ZFPM1: variants seen among roughly 807,000 people sequenced by gnomAD.
ZFPM1 encodes the protein zinc finger protein, FOG family member 1, also known as zinc finger protein ZFPM1.
In ZFPM1, 28 loss-of-function variants were observed where a neutral mutation model predicts 46.3. The ratio of observed to expected loss-of-function variants is 0.60; its 90% CI spans 0.45 to 0.83. ZFPM1 has a LOEUF of 0.83. Ranked by LOEUF, ZFPM1 falls within the 40% of genes least tolerant of loss-of-function variation. ZFPM1 has a pLI of 0.00. For synonymous variants in ZFPM1, 957 were observed against 675.9 expected, an observed-to-expected ratio of 1.42 and a Z score of -6.45; for missense variants, 1,878 against 1,432.4, an observed-to-expected ratio of 1.31 and a Z score of -5.02.
chr16:88,502,702 C>G (rs1175845656), intron 3 of ZFPM1, among the ~76,000 whole-genome samples: 2 of 152,270 alleles, frequency 1.3e-5, no homozygotes, highest in South Asian at 4.1e-4. Context: ...TCCCTTGACT[C>G]AGCAGTTGGC....
Position 88,534,665 on chromosome 16 carries a change from G to C in ZFPM1, c.2707G>C (p.Ala903Pro). The C allele has an allele frequency of 6.0e-6, 6 of 999,032 alleles. No homozygotes were observed. Among genetic ancestry groups the C allele is most frequent in the Non-Finnish European group, 4.8e-6 (4 of 841,484 alleles). 61.9% of individuals were successfully genotyped at this position (999,032 alleles called of 1,614,324 possible). A position where few individuals can be genotyped will look rare whatever the true frequency, so the allele number is the denominator to read the frequency against. ...RTPADRGPSPAPAPAASPQPG... is the reference protein window; with the variant it reads ...RTPADRGPSPPPAPAASPQPG... ...GCCGGCCGACCGCGGCCCCTCGCCC[G>C]CTCCCGCCCCCGCCGCCTCCCCGCA... Residue 903 changes from alanine to proline, a missense_variant, in exon 10 of 10, where the codon GCT (alanine) becomes CCT (proline). Physicochemically the swap from Ala to Pro is conservative, Grantham distance 27. Coordinates refer to ENST00000319555, the MANE Select transcript of ZFPM1 (RefSeq NM_153813.3).
chr16:88,527,534 C>T (rs1040437059), intron 5 of ZFPM1, among the ~76,000 whole-genome samples: 15 of 152,172 alleles, frequency 9.9e-5, no homozygotes, highest in African/African-American at 3.6e-4. Context: ...CGGGCCGGCT[C>T]AGGCCTGAGG....
At chr16:88,524,530 A>G (rs1912162843) in intron 4 of ZFPM1, among the ~76,000 whole-genome samples, 1 of 152,074 alleles carries the variant, frequency 6.6e-6, no homozygotes, top group Non-Finnish European at 1.5e-5. Context: ...CACAGTGGAC[A>G]CTCAGCATGT....
intron 1 of ZFPM1, among the ~76,000 whole-genome samples, chr16:88,468,233 C>A (rs1597231435): frequency 6.7e-6 from 1 of 149,960 alleles, no homozygotes; most frequent in African/African-American, 2.5e-5. Context: ...CCCTCAAGCA[C>A]CCGCGAGCCC....
chr16:88,456,396 A>G (rs116415675), intron 1 of ZFPM1, among the ~76,000 whole-genome samples: 1,722 of 145,644 alleles, frequency 0.012, 27 homozygotes, highest in African/African-American at 0.042. Context: ...AGTTTTCTTG[A>G]AAAAAAAAAA....
At chr16:88,525,475 G>C (rs1486412749) in intron 4 of ZFPM1, among the ~76,000 whole-genome samples, 1 of 152,188 alleles carries the variant, frequency 6.6e-6, no homozygotes, top group African/African-American at 2.4e-5. Flanking sequence ...TCATGGTGCA[G>C]GAAGTTTCTG....
chr16:88,517,178 GTAGATGGA>G (rs1436883724), intron 4 of ZFPM1, among the ~76,000 whole-genome samples: 19 of 126,318 alleles, frequency 1.5e-4, no homozygotes, highest in Middle Eastern at 4.3e-3. Context: ...GGATGGATGG[GTAGATGGA>G]TGGATGGATG....
intron 6 of ZFPM1, among the ~76,000 whole-genome samples, chr16:88,528,508 C>G (rs1340132373): frequency 2.0e-5 from 3 of 152,222 alleles, no homozygotes; most frequent in Non-Finnish European, 4.4e-5. Context: ...CCCCGCACAC[C>G]ACACTAGAAG....
Position 88,490,326 on chromosome 16 carries a change from A to G in ZFPM1, c.268+1173A>G, listed in dbSNP as rs548277669. On this transcript the variant is annotated intron_variant, in intron 3 of 9. Transcript: ENST00000319555. The stretch of plus-strand genomic sequence containing the variant: ...CTCGGCCTCCCAAAGTGCTGGGATT[A>G]CAGGCGTGAGCCACCACGCCCGGCA... 2.8e-3 allele frequency among the ~76,000 whole-genome samples: 421 copies of G among 152,338 alleles called. 10 individuals are homozygous for G. The highest frequency in any genetic ancestry group is 0.014 in the Middle Eastern group (4 of 294).
At chr16:88,519,151 T>TGGATG (rs1410726613) in intron 4 of ZFPM1, among the ~76,000 whole-genome samples, 1 of 97,334 alleles carries the variant, frequency 1.0e-5, no homozygotes, top group Non-Finnish European at 2.0e-5. Flanking sequence ...GATGGATGGA[T>TGGATG]GATGGGTGGA....
At position 88,532,071 on chromosome 16, in the gene ZFPM1, TCTA is replaced by T; in HGVS notation, c.788_790del (p.Tyr263del). The T allele has an allele frequency of 6.2e-7, 1 of 1,612,426 alleles. No individual in the cohort carries two copies. The highest frequency in any genetic ancestry group is 8.5e-7 in the Non-Finnish European group (1 of 1,179,756). ...GAGCGCAACCTGCAGGCGCACCTGC[TCTA>T]CTACTGCGCCAGCCGCCAGGGCACC... is the stretch of plus-strand genomic sequence containing the variant. On this transcript the variant is annotated inframe_deletion, in exon 7 of 10. Coordinates refer to ENST00000319555, the MANE Select transcript of ZFPM1 (RefSeq NM_153813.3).
chr16:88,472,686 A>G (rs970871157), intron 1 of ZFPM1, among the ~76,000 whole-genome samples: 1 of 152,172 alleles, frequency 6.6e-6, no homozygotes, highest in Non-Finnish European at 1.5e-5. Context: ...TAAAGTGTAC[A>G]TCACATTTAC....
intron 1 of ZFPM1, among the ~76,000 whole-genome samples, chr16:88,479,464 C>T (rs1006570141): frequency 2.0e-5 from 3 of 152,056 alleles, no homozygotes; most frequent in African/African-American, 4.8e-5. Flanking sequence ...TGGCTCACCA[C>T]GGCCCCCAGA....
intron 1 of ZFPM1, among the ~76,000 whole-genome samples, chr16:88,462,306 T>C (rs926983549): frequency 6.6e-6 from 1 of 152,244 alleles, no homozygotes; most frequent in Non-Finnish European, 1.5e-5. Flanking sequence ...GTTCCCCACC[T>C]GGAGCTGAAG....
chr16:88,533,127 A>G (rs1327261063), intron 9 of ZFPM1, 21 bp from the exon 10 acceptor site: 1 of 1,230,546 alleles, frequency 8.1e-7, no homozygotes, highest in Non-Finnish European at 1.0e-6. Flanking sequence ...CTGAGGTGCC[A>G]CCCCTGCGAT....
chr16:88,526,187 G>T (rs1235345656), intron 4 of ZFPM1, among the ~76,000 whole-genome samples: 12 of 152,230 alleles, frequency 7.9e-5, no homozygotes, highest in Admixed American at 7.8e-4. Context: ...CCGTGTGCCG[G>T]CCCCGGGAGC....
intron 5 of ZFPM1, among the ~76,000 whole-genome samples, chr16:88,527,817 G>A (rs1215375976): frequency 6.6e-6 from 1 of 151,102 alleles, no homozygotes; most frequent in Non-Finnish European, 1.5e-5. Context: ...CACTAGGATG[G>A]GCCCAGAGCA....
intron 1 of ZFPM1, among the ~76,000 whole-genome samples, chr16:88,475,364 AG>A (rs1169910636): frequency 2.0e-5 from 3 of 152,162 alleles, no homozygotes; most frequent in Non-Finnish European, 4.4e-5. Context: ...GGGACCGGGA[AG>A]GGCCTCGCTG....
chr16:88,510,002 G>A (rs529590303), intron 3 of ZFPM1, among the ~76,000 whole-genome samples: 22 of 152,236 alleles, frequency 1.4e-4, no homozygotes, highest in African/African-American at 5.1e-4. Context: ...AGTCCCAGGG[G>A]GCAGCCCTGG....
Sources: allele counts gnomAD v4.1 joint callset (sites outside exome capture counted in the v4.1 genomes callset), GRCh38; gene constraint gnomAD v4.1.1; transcripts MANE v1.5; gene names NCBI Gene and HGNC (gene_info 2026-07-23, HGNC 2026-07-21).